MTERF4: variants seen among roughly 807,000 people sequenced by gnomAD.
MTERF4 encodes transcription termination factor 4, mitochondrial.
Under a neutral mutation model 22.5 loss-of-function variants are expected in MTERF4, and 17 were observed. The ratio of observed to expected loss-of-function variants is 0.75; its 90% CI spans 0.52 to 1.13. The LOEUF (loss-of-function observed/expected upper bound fraction) is 1.13. Ranked by LOEUF, MTERF4 falls within the 50% of genes most tolerant of loss-of-function variation. The pLI, the probability that MTERF4 is intolerant of heterozygous loss-of-function variation, is 0.00. For synonymous variants in MTERF4, 165 were observed against 175.3 expected, an observed-to-expected ratio of 0.94 and a Z score of 0.47; for missense variants, 420 against 466.8, an observed-to-expected ratio of 0.90 and a Z score of 0.92.
At chr2:241,053,126 T>C in the MTERF4 span, 14 of 1,597,846 alleles carry the variant, frequency 8.8e-6, no homozygotes, top group South Asian at 1.5e-4. Flanking sequence ...CACAGGACCG[T>C]GCGAGACAGG....
chr2:241,048,880 C>A, the MTERF4 span: 2 of 1,187,568 alleles, frequency 1.7e-6, no homozygotes, highest in Non-Finnish European at 2.4e-6. Context: ...TTGGTTCTAC[C>A]CCCACCCAGG....
the MTERF4 span, among the ~76,000 whole-genome samples, chr2:241,053,661 G>A: frequency 6.6e-5 from 10 of 152,310 alleles, no homozygotes; most frequent in African/African-American, 4.8e-5. Flanking sequence ...AGCCAGATAC[G>A]GATTCAGGAC....
the MTERF4 span, among the ~76,000 whole-genome samples, chr2:241,042,921 G>T: frequency 1.3e-5 from 2 of 152,162 alleles, no homozygotes; most frequent in African/African-American, 4.8e-5. Flanking sequence ...GGAGGATGGA[G>T]AACAGTATCA....
chr2:241,101,898 C>G (rs1195112999), intron 1 of MTERF4, among the ~76,000 whole-genome samples: 2 of 152,038 alleles, frequency 1.3e-5, no homozygotes, highest in Non-Finnish European at 2.9e-5. Flanking sequence ...ACTAAAAATA[C>G]AAAAATTAGC....
At chr2:241,053,841 C>G in the MTERF4 span, among the ~76,000 whole-genome samples, 6 of 152,218 alleles carry the variant, frequency 3.9e-5, no homozygotes, top group Non-Finnish European at 8.8e-5. Flanking sequence ...TCCCTCTGAC[C>G]GAAGCCCCTG....
chr2:241,054,831 T>C, the MTERF4 span, among the ~76,000 whole-genome samples: 129 of 152,214 alleles, frequency 8.5e-4, no homozygotes, highest in Non-Finnish European at 1.5e-3. Context: ...AAAGAAAATG[T>C]TGGGGCCAGG....
At chr2:241,076,092 T>C (rs1309094075) in intron 4 of MTERF4, among the ~76,000 whole-genome samples, 1 of 152,220 alleles carries the variant, frequency 6.6e-6, no homozygotes, top group Non-Finnish European at 1.5e-5. Flanking sequence ...TCCTTTACTC[T>C]TCATCTTCAG....
At chr2:241,064,950 C>T in the MTERF4 span, 16 of 1,581,446 alleles carry the variant, frequency 1.0e-5, no homozygotes, top group Admixed American at 5.7e-5. This position sits in a 1 kb window ranked among gnomAD's most constrained non-coding sequence, Gnocchi z 7.0. Context: ...GCGAGGACTG[C>T]GCCAAAGGTG....
intron 4 of MTERF4, among the ~76,000 whole-genome samples, chr2:241,081,491 T>G (rs1292832514): frequency 6.6e-6 from 1 of 152,178 alleles, no homozygotes; most frequent in African/African-American, 2.4e-5. Context: ...ACCTCTGCTC[T>G]CTCTCAACAC....
chr2:241,052,390 G>A, the MTERF4 span: 1 of 1,592,890 alleles, frequency 6.3e-7, no homozygotes, highest in Non-Finnish European at 8.6e-7. Flanking sequence ...GTGTGTGAAT[G>A]GGGGCACCTG....
chr2:241,071,416 G>A, downstream of MTERF4: 1 of 768,154 alleles, frequency 1.3e-6, no homozygotes, highest in South Asian at 1.7e-5. Flanking sequence ...AGGGCATCTG[G>A]GGAAGCCACA....
the MTERF4 span, chr2:241,063,662 G>A: frequency 3.7e-4 from 598 of 1,612,100 alleles, 2 homozygotes; most frequent in Middle Eastern, 1.3e-3. Context: ...TATGTCTGCC[G>A]GTGCCCTGCA....
chr2:241,090,368 G>A (rs1277093838), downstream of MTERF4: 5 of 1,550,190 alleles, frequency 3.2e-6, no homozygotes, highest in East Asian at 4.9e-5. Context: ...TGACAATGAT[G>A]CCTTCTTCTG....
the MTERF4 span, among the ~76,000 whole-genome samples, chr2:241,052,690 CGGG>C: frequency 0.15 from 146 of 994 alleles, 21 homozygotes; most frequent in Non-Finnish European, 0.19. Flanking sequence ...AGAGGGTCGG[CGGG>C]GGGGGGGGGG....
At chr2:241,050,303 C>T in the MTERF4 span, among the ~76,000 whole-genome samples, 32 of 152,292 alleles carry the variant, frequency 2.1e-4, no homozygotes, top group African/African-American at 7.5e-4. Context: ...TACATTTAGT[C>T]GCTTGAGAAT....
rs761385217 is a variant in MTERF4, at chr2:241,097,275, C to T, written c.673G>A (p.Glu225Lys). 14 of 1,614,008 alleles carry T rather than the reference C, an allele frequency of 8.7e-6. No homozygotes were observed. Among genetic ancestry groups the T allele is most frequent in the Admixed American group, 3.3e-5 (2 of 59,996 alleles). ...TTGTATTCCAGTTGACCCAGGTCCT[C>T]TCGAAGAACAGAGGGGCAACTGTGC... ...ILHSCPSVLR[E>K]DLGQLEYKFQ... is the part of the protein sequence containing the mutation. Residue 225 changes from glutamate (E) to lysine (K), a missense_variant, in exon 3 of 4, where the codon GAG (glutamate) becomes AAG (lysine). Coordinates refer to ENST00000391980, the MANE Select transcript of MTERF4 (RefSeq NM_182501.4).
intron 4 of MTERF4, chr2:241,081,894 C>T (rs1031764536): frequency 3.3e-5 from 29 of 866,486 alleles, no homozygotes; most frequent in African/African-American, 6.7e-5. Flanking sequence ...AGCCTCCAAA[C>T]GATGAGGTGC....
At chr2:241,050,197 C>T in the MTERF4 span, among the ~76,000 whole-genome samples, 1 of 152,178 alleles carries the variant, frequency 6.6e-6, no homozygotes, top group African/African-American at 2.4e-5. Context: ...AGCATTTTTC[C>T]AAATAGATTT....
chr2:241,095,958 G>C lies in MTERF4; in HGVS notation c.*40C>G, dbSNP rs1575183442. The C allele has an allele frequency of 6.3e-7, 1 of 1,575,512 alleles. No individual in the cohort carries two copies. The highest frequency in any genetic ancestry group is 8.6e-7 in the Non-Finnish European group (1 of 1,160,786). ...CTTTAAGAGAATGAAAAGCTTCCTT[G>C]ATATCTCTGGGCCCTTTCGCTCTAG... On this transcript the variant is annotated 3_prime_UTR_variant, in exon 4 of 4. Transcript: ENST00000391980.
Sources: gnomAD v4.1 joint callset for allele counts (sites outside exome capture counted in the v4.1 genomes callset) on GRCh38, gnomAD v4.1.1 for gene constraint, Gnocchi (gnomAD v3.1) non-coding constraint, MANE v1.5 for transcripts, NCBI Gene and HGNC (gene_info 2026-07-23, HGNC 2026-07-21) for gene names.